The following DCUN1D4 variants were observed in gnomAD, a reference collection of about 807,000 sequenced individuals.
DCUN1D4 encodes defective in cullin neddylation 1 domain containing 4.
In DCUN1D4, 22 loss-of-function variants were observed where a neutral mutation model predicts 47.9. The ratio of observed to expected loss-of-function variants is 0.46; its 90% CI spans 0.33 to 0.66. The LOEUF is 0.66. DCUN1D4 is among the 30% of genes least tolerant of loss of function. The pLI is 0.02. For synonymous variants in DCUN1D4, 121 were observed against 112.2 expected, an observed-to-expected ratio of 1.08 and a Z score of -0.50; for missense variants, 301 against 340.8, an observed-to-expected ratio of 0.88 and a Z score of 0.92.
In DCUN1D4 at chr4:51,874,398, G is replaced by A; in HGVS notation, c.251+13G>A. On this transcript the variant is annotated intron_variant, in intron 4 of 10. Transcript: ENST00000334635. Reference sequence around the variant, plus strand: ...GTAGACATGATAGGTATGATGTAGAGACAGTAGATCAGAATCAGTGATACA... The same window carrying A: ...GTAGACATGATAGGTATGATGTAGAAACAGTAGATCAGAATCAGTGATACA... 1 of 1,574,080 alleles carries A rather than the reference G, an allele frequency of 6.4e-7. No individual in the cohort carries two copies. The highest frequency in any genetic ancestry group is 8.7e-7 in the Non-Finnish European group (1 of 1,146,982).
chr4:51,888,593 T>C (rs1312862748), intron 6 of DCUN1D4, among the ~76,000 whole-genome samples: 2 of 151,248 alleles, frequency 1.3e-5, no homozygotes, highest in African/African-American at 2.4e-5. Context: ...ATACAAAAAT[T>C]AGCCAGGTGT....
intron 8 of DCUN1D4, 46 bp downstream of exon 8, chr4:51,899,424 C>G: frequency 1.3e-6 from 2 of 1,544,612 alleles, no homozygotes; most frequent in Non-Finnish European, 1.7e-6. Flanking sequence ...TCTTCCCTCC[C>G]CTTTTTAAAT....
chr4:51,913,053 T>A (rs1467543420), intron 9 of DCUN1D4, among the ~76,000 whole-genome samples: 1 of 152,194 alleles, frequency 6.6e-6, no homozygotes, highest in Non-Finnish European at 1.5e-5. Flanking sequence ...AATCATGTTA[T>A]TTTGATGTGC....
intron 5 of DCUN1D4, among the ~76,000 whole-genome samples, chr4:51,883,273 A>ATACTATGG (rs1480944653): frequency 2.0e-5 from 3 of 152,366 alleles, no homozygotes; most frequent in Admixed American, 1.3e-4. Context: ...GCCCATATGC[A>ATACTATGG]GCAAAAAGGT....
chr4:51,842,772 T>C, upstream of DCUN1D4, among the ~76,000 whole-genome samples: 1 of 151,990 alleles, frequency 6.6e-6, no homozygotes, highest in Non-Finnish European at 1.5e-5. Flanking sequence ...CGTGCTTTGT[T>C]TCAGACGCCG....
In DCUN1D4 at chr4:51,916,063, AATC is replaced by A. The variant is rs1553932112; in HGVS notation, c.*2484_*2486del. The A allele has an allele frequency of 6.6e-6, 1 of 152,116 alleles. No individual in the cohort carries two copies. The highest frequency in any genetic ancestry group is 1.5e-5 in the Non-Finnish European group (1 of 67,992). The allele number at this position is 152,116 out of a possible 1,614,324, so 9.4% of individuals were successfully genotyped here. The stretch of plus-strand genomic sequence containing the variant: ...TTCTCTAAGTTGCACAAAACTGAAC[AATC>A]ATCAAGCACTTATTTACTGGCTAAT... On this transcript the variant is annotated 3_prime_UTR_variant, in exon 11 of 11. Transcript: ENST00000334635.
At chr4:51,863,860 C>A in intron 3 of DCUN1D4, 151 bp downstream of exon 3, 1 of 791,910 alleles carries the variant, frequency 1.3e-6, no homozygotes, top group Non-Finnish European at 2.0e-6. Flanking sequence ...GTAATGAAGG[C>A]AGCCATGTTA....
intron 1 of DCUN1D4, among the ~76,000 whole-genome samples, chr4:51,851,795 G>A (rs1723414238): frequency 6.6e-6 from 1 of 152,142 alleles, no homozygotes; most frequent in African/African-American, 2.4e-5. Flanking sequence ...AATAAGTTAG[G>A]GACTGTTATT....
chr4:51,834,118 T>TTTTTTTTTG, the DCUN1D4 span, among the ~76,000 whole-genome samples: 18 of 140,656 alleles, frequency 1.3e-4, no homozygotes, highest in African/African-American at 4.7e-4. Flanking sequence ...TTTTTTCTTT[T>TTTTTTTTTG]TTTTTTTTTT....
chr4:51,846,043 C>A (rs1011647193), intron 1 of DCUN1D4, among the ~76,000 whole-genome samples: 1 of 152,140 alleles, frequency 6.6e-6, no homozygotes, highest in Non-Finnish European at 1.5e-5. Flanking sequence ...TAATTGTCTT[C>A]AAAATGGTGT....
chr4:51,887,904 G>GTTTTTT, intron 6 of DCUN1D4, among the ~76,000 whole-genome samples: 1 of 128,388 alleles, frequency 7.8e-6, no homozygotes, highest in East Asian at 2.2e-4. Context: ...TTTTTTTTTG[G>GTTTTTT]TTTTTTTTTT....
chr4:51,884,810 C>G (rs567661936), intron 5 of DCUN1D4: 2 of 152,192 alleles, frequency 1.3e-5, no homozygotes, highest in South Asian at 4.2e-4. Flanking sequence ...CTCCTTTGCT[C>G]TCAGTCTTAA....
intron 7 of DCUN1D4, among the ~76,000 whole-genome samples, chr4:51,896,428 G>T (rs1205548540): frequency 1.3e-5 from 2 of 152,034 alleles, no homozygotes; most frequent in Non-Finnish European, 2.9e-5. Flanking sequence ...CTTCTTCTTC[G>T]TAGACAGGAC....
intron 5 of DCUN1D4, among the ~76,000 whole-genome samples, chr4:51,878,251 A>G (rs1727994498): frequency 6.6e-6 from 1 of 152,214 alleles, no homozygotes; most frequent in African/African-American, 2.4e-5. Flanking sequence ...TGGAAAGATC[A>G]TTTGGCAGAA....
At chr4:51,896,728 C>T (rs2110085579) in intron 7 of DCUN1D4, among the ~76,000 whole-genome samples, 1 of 152,232 alleles carries the variant, frequency 6.6e-6, no homozygotes, top group Middle Eastern at 3.4e-3. Flanking sequence ...GGGATTCTGG[C>T]ACTAGATCTC....
intron 5 of DCUN1D4, among the ~76,000 whole-genome samples, chr4:51,881,914 T>G (rs1577962203): frequency 6.6e-6 from 1 of 152,134 alleles, no homozygotes; most frequent in East Asian, 1.9e-4. Context: ...ACGCCTGTAA[T>G]TCCAACAATT....
intron 8 of DCUN1D4, among the ~76,000 whole-genome samples, chr4:51,910,474 T>C (rs1733557816): frequency 6.6e-6 from 1 of 152,170 alleles, no homozygotes; most frequent in African/African-American, 2.4e-5. Flanking sequence ...ACTGTATTGA[T>C]AGACTTCCTG....
chr4:51,895,579 AAAAAAAAAAC>A (rs1035682501), intron 7 of DCUN1D4, among the ~76,000 whole-genome samples: 1 of 151,550 alleles, frequency 6.6e-6, no homozygotes, highest in African/African-American at 2.4e-5. Context: ...AAAAAAAAAA[AAAAAAAAAAC>A]AGTGACAATT....
the DCUN1D4 span, among the ~76,000 whole-genome samples, chr4:51,837,075 C>T: frequency 7.2e-5 from 11 of 152,174 alleles, no homozygotes; most frequent in African/African-American, 2.2e-4. Flanking sequence ...AAAGGTCATG[C>T]ATTGTTTAGA....
Sources: allele counts gnomAD v4.1 joint callset (sites outside exome capture counted in the v4.1 genomes callset), GRCh38; gene constraint gnomAD v4.1.1; transcripts MANE v1.5; gene names NCBI Gene and HGNC (gene_info 2026-07-23, HGNC 2026-07-21).